Variants in DSCAML1 observed in about 807,000 individuals in gnomAD.
The protein encoded by DSCAML1 is cell adhesion molecule DSCAML1.
In DSCAML1, 38 loss-of-function variants were observed where a neutral mutation model predicts 200.5. The ratio of observed to expected loss-of-function variants is 0.19; its 90% CI spans 0.15 to 0.25. The LOEUF is 0.25. Among genes scored for constraint, DSCAML1 ranks in the 10% least tolerant of loss-of-function variants. The probability of loss-of-function intolerance (pLI) is 1.00; values close to 1 mark genes in which losing one functional copy is unlikely to be tolerated. For synonymous variants in DSCAML1, 1,215 were observed against 1,165.0 expected, an observed-to-expected ratio of 1.04 and a Z score of -0.87; for missense variants, 2,223 against 2,858.8, an observed-to-expected ratio of 0.78 and a Z score of 5.07.
intron 3 of DSCAML1, among the ~76,000 whole-genome samples, chr11:117,743,454 C>A (rs2054459018): frequency 1.3e-5 from 2 of 152,192 alleles, no homozygotes; most frequent in African/African-American, 2.4e-5. Context: ...CTGCCCATGC[C>A]TGTGTGCACA....
chr11:117,809,532 A>G lies in DSCAML1; in HGVS notation c.-250+7858T>C, dbSNP rs146806430. 5.1e-3 allele frequency among the ~76,000 whole-genome samples: 774 copies of G among 152,306 alleles called. 4 individuals carry two copies. Among genetic ancestry groups the G allele is most frequent in the African/African-American group, 0.017 (723 of 41,568 alleles). ...GTGGCGCCGCAGGCTGCTGTGCAGT[A>G]CAACATAGACGGCGGCCACTCAAAT... On this transcript the variant is annotated intron_variant, in intron 1 of 2. Transcript: ENST00000525836.
intron 2 of DSCAML1, among the ~76,000 whole-genome samples, chr11:117,778,558 G>A (rs557599724): frequency 1.8e-4 from 28 of 152,364 alleles, no homozygotes; most frequent in African/African-American, 6.5e-4. Context: ...AAAAGGCCCA[G>A]CCCAAGGAAA....
intron 3 of DSCAML1, among the ~76,000 whole-genome samples, chr11:117,718,905 G>A (rs1409465217): frequency 6.6e-6 from 1 of 152,136 alleles, no homozygotes; most frequent in Non-Finnish European, 1.5e-5. Context: ...TTGGCTTTGT[G>A]GGCCATCCTC....
At chr11:117,586,665 G>A (rs1209640629) in intron 3 of DSCAML1, among the ~76,000 whole-genome samples, 1 of 152,214 alleles carries the variant, frequency 6.6e-6, no homozygotes, top group Non-Finnish European at 1.5e-5. Flanking sequence ...GAAGTTCAAG[G>A]AAGGCTTGGA....
chr11:117,575,846 C>CCAAAACAAAACAAAA (rs36226708), intron 3 of DSCAML1, among the ~76,000 whole-genome samples: 18 of 150,430 alleles, frequency 1.2e-4, no homozygotes, highest in African/African-American at 2.9e-4. Flanking sequence ...CAAAAACAAC[C>CCAAAACAAAACAAAA]CAAAACAAAA....
At position 117,428,290 on chromosome 11, in the gene DSCAML1, G is replaced by A. The variant is rs1221423381; in HGVS notation, c.*38C>T. 14 of 1,176,734 alleles carry A rather than the reference G, an allele frequency of 1.2e-5. No individual in the cohort carries two copies. The highest frequency in any genetic ancestry group is 1.5e-5 in the African/African-American group (1 of 64,680). 72.9% of individuals were successfully genotyped at this position (1,176,734 alleles called of 1,614,324 possible). On this transcript the variant is annotated 3_prime_UTR_variant, in exon 33 of 33. Coordinates refer to ENST00000651296, the MANE Select transcript of DSCAML1 (RefSeq NM_020693.4). ...CCGAGCTGGCGTGTGGGGCTGCGGC[G>A]CGGCGCGGTCCAGGCGTGGCTGCTC... is the stretch of plus-strand genomic sequence containing the variant.
intron 3 of DSCAML1, among the ~76,000 whole-genome samples, chr11:117,561,813 A>G (rs1290840377): frequency 6.6e-6 from 1 of 152,226 alleles, no homozygotes; most frequent in Non-Finnish European, 1.5e-5. Context: ...ACTGCCACTT[A>G]TGTATTCATC....
intron 3 of DSCAML1, among the ~76,000 whole-genome samples, chr11:117,569,656 T>C (rs1426037808): frequency 2.0e-5 from 3 of 152,222 alleles, no homozygotes; most frequent in Admixed American, 2.0e-4. Flanking sequence ...GAGATAATGC[T>C]ACTGGCCACC....
intron 11 of DSCAML1, among the ~76,000 whole-genome samples, chr11:117,487,298 TAATC>T (rs1262755891): frequency 2.6e-5 from 4 of 152,058 alleles, no homozygotes; most frequent in African/African-American, 7.3e-5. Context: ...CTATTATAAT[TAATC>T]TCACCTGTTT....
intron 3 of DSCAML1, among the ~76,000 whole-genome samples, chr11:117,725,969 C>T (rs149794347): frequency 1.3e-5 from 2 of 152,308 alleles, no homozygotes; most frequent in African/African-American, 4.8e-5. Context: ...CATGCACTCC[C>T]CACCATATTG....
At chr11:117,600,233 G>T (rs1020959635) in intron 3 of DSCAML1, among the ~76,000 whole-genome samples, 1 of 152,146 alleles carries the variant, frequency 6.6e-6, no homozygotes, top group African/African-American at 2.4e-5. Context: ...GGACGGGCTG[G>T]GGCAGGGCTT....
At chr11:117,795,227 G>A (rs1471881582) in intron 1 of DSCAML1, among the ~76,000 whole-genome samples, 2 of 152,214 alleles carry the variant, frequency 1.3e-5, no homozygotes, top group Non-Finnish European at 2.9e-5. Flanking sequence ...TGGAGGCATG[G>A]GGGAGTTGGG....
Position 117,459,019 on chromosome 11 carries a change from G to A in DSCAML1, c.3413-110C>T, listed in dbSNP as rs551426315. ...CACCTACTGCACAGGCTCAGCCCTC[G>A]ACTCCATGGTGGCGAGGACTAGAGG... On this transcript the variant is annotated intron_variant, in intron 18 of 32. Coordinates refer to ENST00000651296, the MANE Select transcript of DSCAML1 (RefSeq NM_020693.4). 61 of 1,403,012 alleles carry A rather than the reference G, an allele frequency of 4.3e-5. No homozygotes were observed. The African/African-American group carries it at 4.6e-4, about 10-fold the overall frequency. 86.9% of individuals were successfully genotyped at this position (1,403,012 alleles called of 1,614,324 possible).
chr11:117,817,022 C>G (rs537298201), intron 1 of DSCAML1, among the ~76,000 whole-genome samples: 20 of 152,344 alleles, frequency 1.3e-4, no homozygotes, highest in Middle Eastern at 3.4e-3. Context: ...CCACAGGGCT[C>G]TTTCTCTGGA....
intron 3 of DSCAML1, among the ~76,000 whole-genome samples, chr11:117,715,918 A>C (rs907732734): frequency 6.6e-6 from 1 of 152,210 alleles, no homozygotes; most frequent in African/African-American, 2.4e-5. Context: ...CACTTGGCCC[A>C]CAAGACCCTG....
intron 17 of DSCAML1, among the ~76,000 whole-genome samples, chr11:117,462,396 C>A (rs115253059): frequency 1.3e-5 from 2 of 152,222 alleles, no homozygotes; most frequent in African/African-American, 2.4e-5. Flanking sequence ...CGAAACCCCA[C>A]GCCCCAGGAT....
chr11:117,631,819 C>T (rs1025587033), intron 3 of DSCAML1, among the ~76,000 whole-genome samples: 7 of 152,164 alleles, frequency 4.6e-5, no homozygotes, highest in African/African-American at 1.4e-4. Flanking sequence ...TGCTCTGGAG[C>T]GACAGAGGCT....
At chr11:117,751,504 T>A (rs1340279339) in intron 3 of DSCAML1, among the ~76,000 whole-genome samples, 1 of 151,818 alleles carries the variant, frequency 6.6e-6, no homozygotes, top group Non-Finnish European at 1.5e-5. Context: ...AAGCTACTTC[T>A]CTCTGTAACA....
At chr11:117,758,960 C>T (rs1162980517) in intron 3 of DSCAML1, among the ~76,000 whole-genome samples, 4 of 152,156 alleles carry the variant, frequency 2.6e-5, no homozygotes, top group Non-Finnish European at 5.9e-5. Context: ...CTGTTACATG[C>T]CTACCCATGA....
Sources: allele counts gnomAD v4.1 joint callset (sites outside exome capture counted in the v4.1 genomes callset), GRCh38; gene constraint gnomAD v4.1.1; transcripts MANE v1.5; gene names NCBI Gene and HGNC (gene_info 2026-07-23, HGNC 2026-07-21).